The following AKR7A2 variants were observed in gnomAD, a reference collection of about 807,000 sequenced individuals.
AKR7A2 encodes the protein aldo-keto reductase family 7 member A2.
Under a neutral mutation model 37.3 loss-of-function variants are expected in AKR7A2, and 29 were observed. That is an observed-to-expected ratio of 0.78 (90% CI 0.58 to 1.06). The LOEUF (loss-of-function observed/expected upper bound fraction) is 1.06. Ranked by LOEUF, AKR7A2 falls within the 50% of genes least tolerant of loss-of-function variation. The pLI is 0.00. For synonymous variants in AKR7A2, 228 were observed against 217.8 expected, an observed-to-expected ratio of 1.05 and a Z score of -0.41; for missense variants, 529 against 497.9, an observed-to-expected ratio of 1.06 and a Z score of -0.59.
In AKR7A2 at chr1:19,306,042, C is replaced by T; in HGVS notation, c.894G>A (p.Trp298Ter). The T allele has an allele frequency of 6.2e-7, 1 of 1,614,082 alleles. No individual in the cohort carries two copies. ...CCTGCAGCTGTGAGTGGTGGTACAT[C>T]CACCGGAGGGCAGCCGAGGTCACAC... ...APSVTSAALR[W>*]MYHHSQLQGA... Residue 298 changes from tryptophan (W) to a stop codon, truncating the protein, a stop_gained, in exon 6 of 7, where the codon TGG becomes TGA. Coordinates refer to ENST00000235835, the MANE Select transcript of AKR7A2 (RefSeq NM_003689.4). LOFTEE classifies it high-confidence loss of function.
At chr1:19,306,801 A>G (rs1322495221) in intron 5 of AKR7A2, among the ~76,000 whole-genome samples, 2 of 152,132 alleles carry the variant, frequency 1.3e-5, no homozygotes, top group African/African-American at 4.8e-5. Flanking sequence ...CAAGACCCCA[A>G]CATCCAGGGA....
In AKR7A2 at chr1:19,312,101, T is replaced by C; in HGVS notation, c.24A>G (p.Val8=). The change falls in exon 1 of 7, where the codon GTA becomes GTG. Residue 8 remains valine (V), a synonymous_variant. Coordinates refer to ENST00000235835, the MANE Select transcript of AKR7A2 (RefSeq NM_003689.4). ...CGCAGTGGACGGCGGCGCGGGAGAC[T>C]ACGCGAGACGCGGCACTCAGCATAG... MLSAASR[V]VSRAAVHCAL... 2 of 1,329,102 alleles carry C rather than the reference T, an allele frequency of 1.5e-6. No homozygotes were observed. Among genetic ancestry groups the C allele is most frequent in the South Asian group, 2.1e-5 (1 of 47,630 alleles). The allele number at this position is 1,329,102 out of a possible 1,614,324, so 82.3% of individuals were successfully genotyped here. A position where few individuals can be genotyped will look rare whatever the true frequency, so the allele number is the denominator to read the frequency against.
chr1:19,311,163 ACT>A (rs1478116234), intron 1 of AKR7A2, among the ~76,000 whole-genome samples: 4 of 151,596 alleles, frequency 2.6e-5, no homozygotes, highest in South Asian at 2.1e-4. Context: ...TCCCTAAAGT[ACT>A]CTCTCTTCTG....
At position 19,308,514 on chromosome 1, in the gene AKR7A2, G is replaced by T; in HGVS notation, c.427C>A (p.Pro143Thr). The change falls in exon 2 of 7, where the codon CCT becomes ACT. Residue 143 changes from proline (P) to threonine (T), a missense_variant. Pro to Thr is a conservative substitution (Grantham distance 38). Coordinates refer to ENST00000235835, the MANE Select transcript of AKR7A2 (RefSeq NM_003689.4). The part of the protein sequence containing the change: ...PQVDLFYLHA[P>T]DHGTPVEETL... ...TCTTCCACCGGGGTGCCGTGGTCAG[G>T]TGCGTGTAGGTAGAAGAGGTCCACT... 6.2e-7 allele frequency: 1 copy of T among 1,614,212 alleles called. No homozygotes were observed.
At position 19,307,167 on chromosome 1, in the gene AKR7A2, C is replaced by A. The variant is rs762841259; in HGVS notation, c.689-66G>T. ...CCAGAAGCTGCCACATCCCTCAGGG[C>A]TCTGGTCTAGGGGAGGGGCAGGGAC... On this transcript the variant is annotated intron_variant, in intron 4 of 6. Coordinates refer to ENST00000235835, the MANE Select transcript of AKR7A2 (RefSeq NM_003689.4). 5 of 1,598,248 alleles carry A rather than the reference C, an allele frequency of 3.1e-6. No individual in the cohort carries two copies. The Admixed American group carries it at 5.0e-5, about 16-fold the overall frequency.
Position 19,307,097 on chromosome 1 carries a change from G to T in AKR7A2, c.693C>A (p.Gly231=), listed in dbSNP as rs778623206. Residue 231 remains glycine (G), a synonymous_variant, in exon 5 of 7, where the codon GGC becomes GGA. Transcript: ENST00000235835. ...RFYAYNPLAG[G]LLTGKYKYED... is the part of the protein sequence containing the mutation. Reference sequence around the variant, plus strand: ...CATACTTGTACTTGCCAGTCAGCAGGCCCCCTGCGGGAAGGCAGCAATCAG... The same window carrying T: ...CATACTTGTACTTGCCAGTCAGCAGTCCCCCTGCGGGAAGGCAGCAATCAG... The T allele has an allele frequency of 3.7e-6, 6 of 1,614,226 alleles. No homozygotes were observed. The South Asian group carries it at 5.5e-5, about 15-fold the overall frequency.
intron 5 of AKR7A2, 132 bp from the exon 6 acceptor site, chr1:19,306,279 T>C: frequency 7.8e-7 from 1 of 1,285,684 alleles, no homozygotes; most frequent in Non-Finnish European, 1.1e-6. Flanking sequence ...TCCTCTCTAG[T>C]CATAGGTCTC....
intron 3 of AKR7A2, chr1:19,307,662 C>T (rs1303288530): frequency 5.2e-6 from 3 of 577,648 alleles, no homozygotes; most frequent in Non-Finnish European, 9.3e-6. Flanking sequence ...GTAGGTATCA[C>T]AAAATCCCTG....
chr1:19,307,267 TG>T, intron 4 of AKR7A2, 46 bp downstream of exon 4: 1 of 1,611,560 alleles, frequency 6.2e-7, no homozygotes, highest in Non-Finnish European at 8.5e-7. Context: ...GCTGGGCATC[TG>T]TGGGTCAGGA....
intron 1 of AKR7A2, among the ~76,000 whole-genome samples, chr1:19,309,628 G>A (rs2093768651): frequency 6.6e-6 from 1 of 152,158 alleles, no homozygotes; most frequent in Non-Finnish European, 1.5e-5. Flanking sequence ...AAGAACCCCA[G>A]CTGTTGGTCC....
Position 19,304,356 on chromosome 1 carries a change from T to C in AKR7A2, c.949A>G (p.Met317Val). 3.7e-6 allele frequency: 6 copies of C among 1,614,150 alleles called. No individual in the cohort carries two copies. Among genetic ancestry groups the C allele is most frequent in the Non-Finnish European group, 5.1e-6 (6 of 1,180,020 alleles). ...GAHGDAVILG[M>V]SSLEQLEQNL... is the part of the protein sequence containing the mutation. ...TGCTCCAGCTGCTCCAGGCTGGACA[T>C]GCCCAGGATGACCGCGTCCCCGTGG... Residue 317 changes from methionine (M) to valine (V), a missense_variant, in exon 7 of 7, where the codon ATG (methionine) becomes GTG (valine). Physicochemically the swap from Met to Val is conservative, Grantham distance 21. Coordinates refer to ENST00000235835, the MANE Select transcript of AKR7A2 (RefSeq NM_003689.4).
At position 19,311,852 on chromosome 1, in the gene AKR7A2, G is replaced by C. The variant is rs375705807; in HGVS notation, c.273C>G (p.Leu91=). The change falls in exon 1 of 7, where the codon CTC becomes CTG. Residue 91 remains leucine (L), a synonymous_variant. Coordinates refer to ENST00000235835, the MANE Select transcript of AKR7A2 (RefSeq NM_003689.4). ...CTCTGCAGTCGCCACCGCCCAGCCC[G>C]AGCCCCAGGCCGCCCAGGATGGTCT... The part of the protein sequence containing the change: ...QSETILGGLG[L]GLGGGDCRVK... 1 of 1,610,404 alleles carries C rather than the reference G, an allele frequency of 6.2e-7. No individual in the cohort carries two copies. The highest frequency in any genetic ancestry group is 8.5e-7 in the Non-Finnish European group (1 of 1,179,574).
chr1:19,310,936 C>G (rs2093772949), intron 1 of AKR7A2, among the ~76,000 whole-genome samples: 1 of 152,210 alleles, frequency 6.6e-6, no homozygotes, highest in African/African-American at 2.4e-5. Flanking sequence ...GGGCACCAGG[C>G]TCACGAGGGA....
In AKR7A2 at chr1:19,306,080, C is replaced by T. The variant is rs368076399; in HGVS notation, c.856G>A (p.Ala286Thr). The change falls in exon 6 of 7, where the codon GCC becomes ACC. Residue 286 changes from alanine (A) to threonine (T), a missense_variant. Coordinates refer to ENST00000235835, the MANE Select transcript of AKR7A2 (RefSeq NM_003689.4). ...GCCGAGGTCACACTGGGGGCGCTGGCGCCATATGCGGCCTGCAGGGCCTTC... is the reference window on the plus strand; with the variant it reads ...GCCGAGGTCACACTGGGGGCGCTGGTGCCATATGCGGCCTGCAGGGCCTTC... The part of the protein sequence containing the change: ...VEKALQAAYG[A>T]SAPSVTSAAL... The T allele has an allele frequency of 1.7e-5, 28 of 1,614,058 alleles. No homozygotes were observed. The highest frequency in any genetic ancestry group is 1.2e-4 in the South Asian group (11 of 91,086).
At position 19,312,079 on chromosome 1, in the gene AKR7A2, A is replaced by C; in HGVS notation, c.46T>G (p.Cys16Gly). 7.4e-7 allele frequency: 1 copy of C among 1,346,896 alleles called. No homozygotes were observed. Among genetic ancestry groups the C allele is most frequent in the Non-Finnish European group, 9.4e-7 (1 of 1,059,032 alleles). 83.4% of individuals were successfully genotyped at this position (1,346,896 alleles called of 1,614,324 possible). A position where few individuals can be genotyped will look rare whatever the true frequency, so the allele number is the denominator to read the frequency against. ...SRVVSRAAVH[C>G]ALRSPPPEAR... ...TCGGGCGGCGGAGAGCGAAGCGCGCAGTGGACGGCGGCGCGGGAGACTACG... is the reference window on the plus strand; with the variant it reads ...TCGGGCGGCGGAGAGCGAAGCGCGCCGTGGACGGCGGCGCGGGAGACTACG... Residue 16 changes from cysteine to glycine, a missense_variant, in exon 1 of 7, where the codon TGC becomes GGC. By Grantham distance (159) the Cys-to-Gly change is radical. Coordinates refer to ENST00000235835, the MANE Select transcript of AKR7A2 (RefSeq NM_003689.4).
chr1:19,306,072 G>A lies in AKR7A2; in HGVS notation c.864C>T (p.Ala288=). 1.9e-6 allele frequency: 3 copies of A among 1,614,142 alleles called. No homozygotes were observed. The highest frequency in any genetic ancestry group is 2.2e-5 in the East Asian group (1 of 44,892). ...GGAGGGCAGCCGAGGTCACACTGGG[G>A]GCGCTGGCGCCATATGCGGCCTGCA... ...KALQAAYGAS[A]PSVTSAALRW... Residue 288 remains alanine (A), a synonymous_variant, in exon 6 of 7, where the codon GCC becomes GCT. Transcript: ENST00000235835.
At position 19,312,086 on chromosome 1, in the gene AKR7A2, G is replaced by C. The variant is rs530415390; in HGVS notation, c.39C>G (p.Ala13=). The change falls in exon 1 of 7, where the codon GCC becomes GCG. Residue 13 remains alanine, a synonymous_variant. Transcript: ENST00000235835. The part of the protein sequence containing the change: ...SAASRVVSRA[A]VHCALRSPPP... Reference sequence around the variant, plus strand: ...GCGGAGAGCGAAGCGCGCAGTGGACGGCGGCGCGGGAGACTACGCGAGACG... The same window carrying C: ...GCGGAGAGCGAAGCGCGCAGTGGACCGCGGCGCGGGAGACTACGCGAGACG... 17 of 1,339,992 alleles carry C rather than the reference G, an allele frequency of 1.3e-5. No individual in the cohort carries two copies. Among genetic ancestry groups the C allele is most frequent in the East Asian group, 6.3e-5 (2 of 31,924 alleles). The allele number at this position is 1,339,992 out of a possible 1,614,324, so 83.0% of individuals were successfully genotyped here.
chr1:19,311,345 C>T (rs912734878), intron 1 of AKR7A2, among the ~76,000 whole-genome samples: 4 of 152,260 alleles, frequency 2.6e-5, no homozygotes, highest in African/African-American at 7.2e-5. Context: ...ACTCTCCCAG[C>T]CAGCCTTACG....
chr1:19,307,260 G>T, intron 4 of AKR7A2, 54 bp downstream of exon 4: 2 of 1,609,594 alleles, frequency 1.2e-6, no homozygotes, highest in Non-Finnish European at 1.7e-6. Flanking sequence ...ATTCTGGGCT[G>T]GGCATCTGTG....
Sources: allele counts gnomAD v4.1 joint callset (sites outside exome capture counted in the v4.1 genomes callset), GRCh38; gene constraint gnomAD v4.1.1; transcripts MANE v1.5; gene names NCBI Gene and HGNC (gene_info 2026-07-23, HGNC 2026-07-21).